RAPGEF5: variants seen among roughly 807,000 people sequenced by gnomAD.
RAPGEF5 encodes Rap guanine nucleotide exchange factor 5, also known as M-Ras-regulated GEF.
A neutral mutation model predicts 125.2 loss-of-function variants in RAPGEF5; 65 were observed. The ratio of observed to expected loss-of-function variants is 0.52; its 90% CI spans 0.43 to 0.64. The LOEUF is 0.64. Among genes scored for constraint, RAPGEF5 ranks in the 30% least tolerant of loss-of-function variants. RAPGEF5 has a pLI of 0.00. For synonymous variants in RAPGEF5, 391 were observed against 385.9 expected, an observed-to-expected ratio of 1.01 and a Z score of -0.16; for missense variants, 958 against 1,048.1, an observed-to-expected ratio of 0.91 and a Z score of 1.19.
At chr7:22,325,593 T>C (rs1379038642) in intron 1 of RAPGEF5, among the ~76,000 whole-genome samples, 2 of 152,090 alleles carry the variant, frequency 1.3e-5, no homozygotes, top group African/African-American at 2.4e-5. Flanking sequence ...AAAGACAGGG[T>C]CTTGCTCTGT....
intron 7 of RAPGEF5, among the ~76,000 whole-genome samples, chr7:22,236,131 CT>C (rs1294749442): frequency 6.6e-6 from 1 of 152,146 alleles, no homozygotes; most frequent in Admixed American, 6.5e-5. Context: ...GAACTTGAGA[CT>C]GTTGACTTAA....
intron 24 of RAPGEF5, 131 bp downstream of exon 24, chr7:22,130,906 C>G (rs1441055818): frequency 1.6e-6 from 2 of 1,288,090 alleles, no homozygotes; most frequent in African/African-American, 3.0e-5. Flanking sequence ...TTGAATGAAG[C>G]AAATAAGCTC....
intron 9 of RAPGEF5, among the ~76,000 whole-genome samples, chr7:22,206,450 C>T (rs1457919190): frequency 6.6e-6 from 1 of 151,896 alleles, no homozygotes; most frequent in Non-Finnish European, 1.5e-5. Context: ...GCTTATAGTC[C>T]CAGCACTTTA....
chr7:22,122,246 A>ATCAC lies in RAPGEF5; in HGVS notation c.*156_*159dup. Reference sequence around the variant, plus strand: ...CCTCTCCCCCTCTCTGGTGGCTGACATCACTTCCTGAACACGCTTTGGCTG... The same window carrying ATCAC: ...CCTCTCCCCCTCTCTGGTGGCTGACATCACTCACTTCCTGAACACGCTTTGGCTG... On this transcript the variant is annotated 3_prime_UTR_variant, in exon 26 of 26. Coordinates refer to ENST00000665637, the MANE Select transcript of RAPGEF5 (RefSeq NM_012294.5). The ATCAC allele has an allele frequency of 1.7e-6, 1 of 592,098 alleles. No individual in the cohort carries two copies. Among genetic ancestry groups the ATCAC allele is most frequent in the Non-Finnish European group, 3.0e-6 (1 of 335,716 alleles). The allele number at this position is 592,098 out of a possible 1,614,324, so 36.7% of individuals were successfully genotyped here.
intron 22 of RAPGEF5, among the ~76,000 whole-genome samples, chr7:22,136,526 A>G (rs1783083067): frequency 6.6e-6 from 1 of 152,130 alleles, no homozygotes; most frequent in African/African-American, 2.4e-5. Flanking sequence ...ACAAGAGGAT[A>G]CTGTTTTTTT....
chr7:22,197,365 G>A (rs983754657), intron 9 of RAPGEF5, among the ~76,000 whole-genome samples: 6 of 152,300 alleles, frequency 3.9e-5, no homozygotes, highest in East Asian at 3.9e-4. Flanking sequence ...AAATCATCTA[G>A]CTTGACACTA....
At chr7:22,184,719 A>G (rs1218263545) in intron 11 of RAPGEF5, among the ~76,000 whole-genome samples, 1 of 152,226 alleles carries the variant, frequency 6.6e-6, no homozygotes, top group African/African-American at 2.4e-5. Flanking sequence ...ATTAACAACA[A>G]GGGTATTAAT....
chr7:22,255,497 G>A (rs1437184711), intron 7 of RAPGEF5, among the ~76,000 whole-genome samples: 1 of 152,078 alleles, frequency 6.6e-6, no homozygotes, highest in East Asian at 1.9e-4. Context: ...GGAGGCTGAG[G>A]TGGGAGGATC....
Position 22,315,484 on chromosome 7 carries a change from G to C in RAPGEF5, c.283-8C>G. ...AGAATTCTCTCCATAAATCTAAATGGAAAAGACAGTCACTGTAAATATAGA... is the reference window on the plus strand; with the variant it reads ...AGAATTCTCTCCATAAATCTAAATGCAAAAGACAGTCACTGTAAATATAGA... On this transcript the variant is annotated splice_region_variant and splice_polypyrimidine_tract_variant and intron_variant, in intron 2 of 25. Transcript: ENST00000665637. 1 of 1,462,168 alleles carries C rather than the reference G, an allele frequency of 6.8e-7. No individual in the cohort carries two copies. The highest frequency in any genetic ancestry group is 9.0e-7 in the Non-Finnish European group (1 of 1,108,566). 90.6% of individuals were successfully genotyped at this position (1,462,168 alleles called of 1,614,324 possible).
chr7:22,242,028 T>C (rs1323766743), intron 7 of RAPGEF5, among the ~76,000 whole-genome samples: 1 of 152,180 alleles, frequency 6.6e-6, no homozygotes, highest in Non-Finnish European at 1.5e-5. Flanking sequence ...AGTTCAAGGC[T>C]GTCCCCATAT....
rs1562768234 is a variant in RAPGEF5, at chr7:22,219,901, G to C, written c.961C>G (p.Gln321Glu). The C allele has an allele frequency of 2.5e-6, 4 of 1,612,822 alleles. No individual in the cohort carries two copies. Among genetic ancestry groups the C allele is most frequent in the Admixed American group, 3.3e-5 (2 of 59,922 alleles). ...TTCTCCTGTTCTTTTTTGTCCGTCT[G>C]CAAAAACTGATAGTTTTCTTTTGCC... Reference protein sequence around the residue: ...KLAKENYQFLQTDKKEQEKSE... With the variant: ...KLAKENYQFLETDKKEQEKSE... Residue 321 changes from glutamine to glutamate, a missense_variant, in exon 9 of 26, where the codon CAG becomes GAG. Transcript: ENST00000665637.
At chr7:22,211,312 G>A (rs1043317772) in intron 9 of RAPGEF5, among the ~76,000 whole-genome samples, 1 of 152,184 alleles carries the variant, frequency 6.6e-6, no homozygotes, top group African/African-American at 2.4e-5. Context: ...ATCAATATGA[G>A]GCAAATATAC....
At chr7:22,351,679 G>A (rs1784333030) in intron 1 of RAPGEF5, among the ~76,000 whole-genome samples, 1 of 152,182 alleles carries the variant, frequency 6.6e-6, no homozygotes. Flanking sequence ...GTGCTATGAT[G>A]TTAGCCATTG....
At chr7:22,199,454 G>C (rs1265092597) in intron 9 of RAPGEF5, among the ~76,000 whole-genome samples, 1 of 149,018 alleles carries the variant, frequency 6.7e-6, no homozygotes, top group Non-Finnish European at 1.5e-5. Flanking sequence ...GGCCTGATGG[G>C]CTCAAGAACT....
chr7:22,354,808 A>G (rs941800600), intron 1 of RAPGEF5, among the ~76,000 whole-genome samples: 1 of 152,194 alleles, frequency 6.6e-6, no homozygotes, highest in African/African-American at 2.4e-5. Flanking sequence ...AAACCTAATC[A>G]GCCTACACAT....
chr7:22,132,334 A>G (rs1293335963), intron 23 of RAPGEF5, among the ~76,000 whole-genome samples: 1 of 151,290 alleles, frequency 6.6e-6, no homozygotes, highest in Non-Finnish European at 1.5e-5. Flanking sequence ...CACAGCTTCC[A>G]ATGTGGACTG....
chr7:22,303,646 A>C (rs1783264223), intron 5 of RAPGEF5, among the ~76,000 whole-genome samples: 1 of 152,220 alleles, frequency 6.6e-6, no homozygotes, highest in Non-Finnish European at 1.5e-5. Flanking sequence ...AAAGGTTATT[A>C]AAAGGAACAC....
intron 6 of RAPGEF5, among the ~76,000 whole-genome samples, chr7:22,281,491 T>C (rs1782672736): frequency 6.6e-6 from 1 of 152,160 alleles, no homozygotes. Context: ...GGATTACAAG[T>C]GTGATCCACA....
chr7:22,297,669 T>C (rs1241358880), intron 5 of RAPGEF5, among the ~76,000 whole-genome samples: 2 of 152,216 alleles, frequency 1.3e-5, no homozygotes, highest in African/African-American at 2.4e-5. Context: ...AGAGAGGAAG[T>C]ATTAATCCTG....
Sources: gnomAD v4.1 joint callset for allele counts (sites outside exome capture counted in the v4.1 genomes callset) on GRCh38, gnomAD v4.1.1 for gene constraint, MANE v1.5 for transcripts, NCBI Gene and HGNC (gene_info 2026-07-23, HGNC 2026-07-21) for gene names.